IL1RAP: variants seen among roughly 807,000 people sequenced by gnomAD.
The protein encoded by IL1RAP is interleukin-1 receptor accessory protein.
A neutral mutation model predicts 60.7 loss-of-function variants in IL1RAP; 35 were observed. That is an observed-to-expected ratio of 0.58 (90% CI 0.44 to 0.76). The LOEUF is 0.76. Ranked by LOEUF, IL1RAP falls within the 30% of genes least tolerant of loss-of-function variation. The probability of loss-of-function intolerance (pLI) is 0.00; values close to 1 mark genes in which losing one functional copy is unlikely to be tolerated. For missense variants in IL1RAP, 572 were observed against 693.9 expected (o/e 0.82, Z 1.97); for synonymous variants, 268 against 250.9 (o/e 1.07, Z -0.64).
chr3:190,562,728 ACACACAC>A (rs1459000076), intron 2 of IL1RAP, among the ~76,000 whole-genome samples: 5 of 130,452 alleles, frequency 3.8e-5, no homozygotes, highest in African/African-American at 1.0e-4. Context: ...ACACACACAC[ACACACAC>A]ATCTGCTACA....
intron 1 of IL1RAP, among the ~76,000 whole-genome samples, chr3:190,552,317 A>G (rs1032148326): frequency 3.3e-5 from 5 of 152,228 alleles, no homozygotes; most frequent in Admixed American, 6.5e-5. Context: ...CTTTGATTTC[A>G]ATCCTCAATT....
At chr3:190,536,196 GT>G (rs1462599515) in intron 1 of IL1RAP, among the ~76,000 whole-genome samples, 1 of 152,160 alleles carries the variant, frequency 6.6e-6, no homozygotes, top group East Asian at 1.9e-4. Context: ...CTTCATGCAA[GT>G]TTGTGACTTC....
At position 190,596,532 on chromosome 3, in the gene IL1RAP, C is replaced by T. The variant is rs138344998; in HGVS notation, c.65-7596C>T. ...TTGCTGTCAGGAGCGTGGGTTGGAT[C>T]TTCCAGTGACTTGGCTTTGCAAAGC... is the stretch of plus-strand genomic sequence containing the variant. On this transcript the variant is annotated intron_variant, in intron 3 of 11. Transcript: ENST00000447382. Among the ~76,000 whole-genome samples the T allele has an allele frequency of 3.2e-4, 49 of 152,276 alleles. 1 individual carries two copies. The highest frequency in any genetic ancestry group is 1.2e-3 in the African/African-American group (48 of 41,564).
chr3:190,565,417 A>G (rs1407364327), intron 3 of IL1RAP, among the ~76,000 whole-genome samples: 4 of 152,218 alleles, frequency 2.6e-5, no homozygotes, highest in African/African-American at 9.6e-5. Flanking sequence ...ATATGCCTTC[A>G]ACTGTTTTTC....
At chr3:190,568,208 G>A (rs181369127) in intron 3 of IL1RAP, among the ~76,000 whole-genome samples, 3 of 152,244 alleles carry the variant, frequency 2.0e-5, no homozygotes, top group Admixed American at 1.3e-4. Context: ...TGCAGGGCTG[G>A]ATTTCACACA....
At chr3:190,653,157 C>G (rs1158599808), downstream of IL1RAP, among the ~76,000 whole-genome samples, 1 of 152,110 alleles carries the variant, frequency 6.6e-6, no homozygotes, top group Non-Finnish European at 1.5e-5. Flanking sequence ...TCTTATAAAT[C>G]CACATAGTAA....
chr3:190,624,633 G>A (rs1231787139), intron 7 of IL1RAP: 3 of 191,860 alleles, frequency 1.6e-5, no homozygotes, highest in African/African-American at 7.0e-5. Flanking sequence ...AAAAAAAGGT[G>A]GAAAAAGAGG....
At chr3:190,514,476 G>T (rs768568624) in intron 1 of IL1RAP, among the ~76,000 whole-genome samples, 111 of 152,124 alleles carry the variant, frequency 7.3e-4, no homozygotes, top group Non-Finnish European at 1.2e-3. Context: ...GCTCGTTGCC[G>T]CCCCCATCCT....
At chr3:190,604,003 T>A in intron 3 of IL1RAP, 125 bp from the exon 4 acceptor site, 1 of 893,312 alleles carries the variant, frequency 1.1e-6, no homozygotes, top group Non-Finnish European at 1.7e-6. Flanking sequence ...AGAGGGAGGC[T>A]GGAAGATGAC....
At chr3:190,640,660 A>G (rs1577807097) in intron 9 of IL1RAP, among the ~76,000 whole-genome samples, 1 of 152,322 alleles carries the variant, frequency 6.6e-6, no homozygotes, top group Non-Finnish European at 1.5e-5. Flanking sequence ...CAACTGCAAT[A>G]ATAAAGATGA....
chr3:190,516,469 T>G (rs1376823498), intron 1 of IL1RAP, among the ~76,000 whole-genome samples: 1 of 152,244 alleles, frequency 6.6e-6, no homozygotes, highest in Non-Finnish European at 1.5e-5. Context: ...CATATCTTCA[T>G]ACAGATTATT....
chr3:190,605,886 A>G (rs1415052255), intron 4 of IL1RAP, among the ~76,000 whole-genome samples: 1 of 152,216 alleles, frequency 6.6e-6, no homozygotes, highest in Admixed American at 6.5e-5. Context: ...GGACCTTAGC[A>G]TATAAATTGG....
chr3:190,625,636 G>T (rs1046055147), intron 7 of IL1RAP, among the ~76,000 whole-genome samples: 2 of 152,090 alleles, frequency 1.3e-5, no homozygotes, highest in Non-Finnish European at 2.9e-5. Context: ...TGTTGACAGA[G>T]AAATTTGATT....
At chr3:190,605,919 C>T (rs1425001323) in intron 4 of IL1RAP, among the ~76,000 whole-genome samples, 1 of 152,118 alleles carries the variant, frequency 6.6e-6, no homozygotes, top group Non-Finnish European at 1.5e-5. Context: ...CAACTCAGTC[C>T]ATAACAATAA....
At chr3:190,639,616 CTTTT>C (rs1733502338) in intron 9 of IL1RAP, among the ~76,000 whole-genome samples, 2 of 152,136 alleles carry the variant, frequency 1.3e-5, no homozygotes, top group African/African-American at 4.8e-5. Context: ...GATTAGCTAT[CTTTT>C]TATTAGCTAA....
chr3:190,658,132 T>G (rs900866091), exon 12 of IL1RAP: 3 of 147,218 alleles, frequency 2.0e-5, no homozygotes, highest in African/African-American at 7.3e-5. Context: ...AATGTTGCCA[T>G]ATTGTCCATT....
At chr3:190,554,040 G>C (rs144653658) in intron 1 of IL1RAP, among the ~76,000 whole-genome samples, 2 of 126,876 alleles carry the variant, frequency 1.6e-5, no homozygotes, top group Admixed American at 9.1e-5. Context: ...CAGCCTGGGC[G>C]ACAGAGCGAG....
At chr3:190,606,890 A>G (rs1164122298) in intron 4 of IL1RAP, among the ~76,000 whole-genome samples, 1 of 152,162 alleles carries the variant, frequency 6.6e-6, no homozygotes, top group Admixed American at 6.6e-5. Flanking sequence ...TCTTGCCCCA[A>G]TACTGTTCAA....
downstream of IL1RAP, among the ~76,000 whole-genome samples, chr3:190,652,898 G>A (rs1270538997): frequency 6.6e-6 from 1 of 152,252 alleles, no homozygotes; most frequent in South Asian, 2.1e-4. Flanking sequence ...ACCTGGCTGT[G>A]ATTAACCTTC....
Sources: gnomAD v4.1 joint callset for allele counts (sites outside exome capture counted in the v4.1 genomes callset) on GRCh38, gnomAD v4.1.1 for gene constraint, MANE v1.5 for transcripts, NCBI Gene and HGNC (gene_info 2026-07-23, HGNC 2026-07-21) for gene names.